The following GSX2 variants were observed in gnomAD, a reference collection of about 807,000 sequenced individuals.
GSX2 encodes genetic-screened homeobox 2.
In GSX2, 16 loss-of-function variants were observed where a neutral mutation model predicts 19.2. The ratio of observed to expected loss-of-function variants is 0.84; its 90% CI spans 0.57 to 1.27. GSX2 has a LOEUF of 1.27. GSX2 is among the 50% of genes most tolerant of loss of function. The probability of loss-of-function intolerance (pLI) is 0.00; values close to 1 mark genes in which losing one functional copy is unlikely to be tolerated. For missense variants in GSX2, 448 were observed against 428.4 expected (o/e 1.05, Z -0.40); for synonymous variants, 217 against 196.4 (o/e 1.10, Z -0.88).
chr4:54,101,281 G>C lies in GSX2; in HGVS notation c.575-301G>C, dbSNP rs1718169722. ...CGCGTCGGGGCGGCTAAAGCGTCTT[G>C]ACGTTTTTGGCTAAGCCTGCGCGCT... On this transcript the variant is annotated intron_variant, in intron 1 of 1. Coordinates refer to ENST00000326902, the MANE Select transcript of GSX2 (RefSeq NM_133267.3). This position sits in a 1 kb window ranked among gnomAD's most constrained non-coding sequence, Gnocchi z 5.0. Among the ~76,000 whole-genome samples, 1 of 152,198 alleles carries C rather than the reference G, an allele frequency of 6.6e-6. No individual in the cohort carries two copies. The highest frequency in any genetic ancestry group is 2.4e-5 in the African/African-American group (1 of 41,454).
Position 54,102,189 on chromosome 4 carries a change from G to A in GSX2, c.*267G>A, listed in dbSNP as rs1718188368. 1 of 436,764 alleles carries A rather than the reference G, an allele frequency of 2.3e-6. No homozygotes were observed. Among genetic ancestry groups the A allele is most frequent in the Non-Finnish European group, 4.1e-6 (1 of 245,984 alleles). 27.1% of individuals were successfully genotyped at this position (436,764 alleles called of 1,614,324 possible). On this transcript the variant is annotated 3_prime_UTR_variant, in exon 2 of 2. Coordinates refer to ENST00000326902, the MANE Select transcript of GSX2 (RefSeq NM_133267.3). ...CAACTCATTCTTGTCGTATAACAGA[G>A]GAAAAACAGGGTTGGTTTAAGTTTA...
At position 54,100,580 on chromosome 4, in the gene GSX2, G is replaced by T. The variant is rs1234135792; in HGVS notation, c.236G>T (p.Gly79Val). 1.3e-5 allele frequency: 21 copies of T among 1,577,616 alleles called. No individual in the cohort carries two copies. Among genetic ancestry groups the T allele is most frequent in the Non-Finnish European group, 1.8e-5 (21 of 1,163,628 alleles). ...LHSSRGSVGA[G>V]SGGAGAGVTG... ...TCCTCTCGGGGGTCTGTGGGCGCCG[G>T]CAGCGGGGGCGCAGGGGCCGGGGTT... Residue 79 changes from glycine to valine, a missense_variant, in exon 1 of 2, where the codon GGC becomes GTC. Gly to Val is a moderately radical substitution (Grantham distance 109). Coordinates refer to ENST00000326902, the MANE Select transcript of GSX2 (RefSeq NM_133267.3).
rs976336764 is a variant in GSX2 at position 54,100,540 on chromosome 4, A to G, written c.196A>G (p.Thr66Ala). 2.5e-6 allele frequency: 4 copies of G among 1,606,432 alleles called. No homozygotes were observed. In the African/African-American group the frequency reaches 4.1e-5, roughly 16 times the overall value. ...GTTCTGCGTGTGCCCTCTCTGCGTC[A>G]CTTCGCACCTGCACTCCTCTCGGGG... ...GAFCVCPLCV[T>A]SHLHSSRGSV... The change falls in exon 1 of 2, where the codon ACT (threonine) becomes GCT (alanine). Residue 66 changes from threonine (T) to alanine (A), a missense_variant. Coordinates refer to ENST00000326902, the MANE Select transcript of GSX2 (RefSeq NM_133267.3).
rs764984551 is a variant in GSX2, at chr4:54,101,595, C to T, written c.588C>T (p.Ala196=). Residue 196 remains alanine, a synonymous_variant, in exon 2 of 2, where the codon GCC becomes GCT. Transcript: ENST00000326902. This position sits in a 1 kb window ranked among gnomAD's most constrained non-coding sequence, Gnocchi z 5.0. The part of the protein sequence containing the change: ...FHCLTMGGSD[A]SQVPNGKRMR... ...GCCGGTCCGCAGGAGGCTCTGACGC[C>T]AGCCAGGTACCCAATGGCAAGAGGA... 1 of 1,611,990 alleles carries T rather than the reference C, an allele frequency of 6.2e-7. No homozygotes were observed. The highest frequency in any genetic ancestry group is 1.1e-5 in the South Asian group (1 of 90,830).
rs761343742 is a variant in GSX2, at chr4:54,101,978, C to A, written c.*56C>A. 1.2e-4 allele frequency: 162 copies of A among 1,401,716 alleles called. 1 individual carries two copies. The highest frequency in any genetic ancestry group is 2.2e-4 in the Middle Eastern group (1 of 4,562). 86.8% of individuals were successfully genotyped at this position (1,401,716 alleles called of 1,614,324 possible). ...CCTGGCAGACCAGGCAACGCCAAGG[C>A]GTGGGGCACCCAGGGGCCAGAATCC... On this transcript the variant is annotated 3_prime_UTR_variant, in exon 2 of 2. Transcript: ENST00000326902. This position sits in a 1 kb window ranked among gnomAD's most constrained non-coding sequence, Gnocchi z 5.0.
chr4:54,100,797 A>G lies in GSX2; in HGVS notation c.453A>G (p.Ala151=), dbSNP rs1387613084. ...PQQPGSAAAA[A]AAAAAAAAAA... is the part of the protein sequence containing the mutation. ...AGCCTGGCTCGGCCGCGGCGGCGGCAGCAGCAGCAGCGGCGGCGGCGGCCG... is the reference window on the plus strand; with the variant it reads ...AGCCTGGCTCGGCCGCGGCGGCGGCGGCAGCAGCAGCGGCGGCGGCGGCCG... The change falls in exon 1 of 2, where the codon GCA becomes GCG. Residue 151 remains alanine (A), a synonymous_variant. Coordinates refer to ENST00000326902, the MANE Select transcript of GSX2 (RefSeq NM_133267.3). The G allele has an allele frequency of 2.8e-6, 4 of 1,452,116 alleles. No individual in the cohort carries two copies. The highest frequency in any genetic ancestry group is 3.4e-5 in the Admixed American group (1 of 29,684). The allele number at this position is 1,452,116 out of a possible 1,614,324, so 90.0% of individuals were successfully genotyped here.
chr4:54,100,785 C>G lies in GSX2; in HGVS notation c.441C>G (p.Ala147=), dbSNP rs1031609503. 3.4e-6 allele frequency: 5 copies of G among 1,460,754 alleles called. No individual in the cohort carries two copies. The highest frequency in any genetic ancestry group is 4.5e-6 in the Non-Finnish European group (5 of 1,110,200). The allele number at this position is 1,460,754 out of a possible 1,614,324, so 90.5% of individuals were successfully genotyped here. A position where few individuals can be genotyped will look rare whatever the true frequency, so the allele number is the denominator to read the frequency against. Residue 147 remains alanine, a synonymous_variant, in exon 1 of 2, where the codon GCC becomes GCG. Transcript: ENST00000326902. ...HHHQPQQPGS[A]AAAAAAAAAA... ...ATCAGCCCCAGCAGCCTGGCTCGGCCGCGGCGGCGGCAGCAGCAGCAGCGG... is the reference window on the plus strand; with the variant it reads ...ATCAGCCCCAGCAGCCTGGCTCGGCGGCGGCGGCGGCAGCAGCAGCAGCGG...
At chr4:54,100,952 G>T (rs1249987412) in intron 1 of GSX2, 34 bp downstream of exon 1, 2 of 1,515,832 alleles carry the variant, frequency 1.3e-6, no homozygotes, top group South Asian at 2.4e-5. Flanking sequence ...TGCGCTCCGC[G>T]CCTTTCGCGC....
At position 54,100,237 on chromosome 4, in the gene GSX2, A is replaced by C; in HGVS notation, c.-108A>C. 2 of 1,504,206 alleles carry C rather than the reference A, an allele frequency of 1.3e-6. No individual in the cohort carries two copies. Among genetic ancestry groups the C allele is most frequent in the Non-Finnish European group, 1.8e-6 (2 of 1,122,006 alleles). The allele number at this position is 1,504,206 out of a possible 1,614,324, so 93.2% of individuals were successfully genotyped here. On this transcript the variant is annotated 5_prime_UTR_variant, in exon 1 of 2. Transcript: ENST00000326902. Reference sequence around the variant, plus strand: ...AGACGCCAACACCTCTGCGTCCCCAAGGGCTTGACTGCCCGTGTCTGCGCG... The same window carrying C: ...AGACGCCAACACCTCTGCGTCCCCACGGGCTTGACTGCCCGTGTCTGCGCG...
In GSX2 at chr4:54,101,463, A is replaced by T. The variant is rs76831243; in HGVS notation, c.575-119A>T. 26,611 of 649,140 alleles carry T rather than the reference A, an allele frequency of 0.041. 661 individuals are homozygous for T. The highest frequency in any genetic ancestry group is 0.054 in the Non-Finnish European group (19,784 of 365,032). The allele number at this position is 649,140 out of a possible 1,614,324, so 40.2% of individuals were successfully genotyped here. On this transcript the variant is annotated intron_variant, in intron 1 of 1. Coordinates refer to ENST00000326902, the MANE Select transcript of GSX2 (RefSeq NM_133267.3). This position sits in a 1 kb window ranked among gnomAD's most constrained non-coding sequence, Gnocchi z 5.0. ...CCACGTGCCTTGAAATGGGAAAGGGATACAGATGTTCGGCTGGGCTTCCCC... is the reference window on the plus strand; with the variant it reads ...CCACGTGCCTTGAAATGGGAAAGGGTTACAGATGTTCGGCTGGGCTTCCCC...
At position 54,100,170 on chromosome 4, in the gene GSX2, G is replaced by T. The variant is rs1442821675; in HGVS notation, c.-175G>T. On this transcript the variant is annotated 5_prime_UTR_variant, in exon 1 of 2. Coordinates refer to ENST00000326902, the MANE Select transcript of GSX2 (RefSeq NM_133267.3). ...CGAGCCGGGGCGCCGGGCGGGGGAC[G>T]TGAGGACCAGCCCTCTCCGGGGACC... 2.3e-6 allele frequency: 2 copies of T among 871,804 alleles called. No individual in the cohort carries two copies. The highest frequency in any genetic ancestry group is 1.7e-5 in the African/African-American group (1 of 58,494). 54.0% of individuals were successfully genotyped at this position (871,804 alleles called of 1,614,324 possible).
In GSX2 at chr4:54,101,914, C is replaced by G; in HGVS notation, c.907C>G (p.Pro303Ala). The change falls in exon 2 of 2, where the codon CCC becomes GCC. Residue 303 changes from proline (P) to alanine (A), a missense_variant. Pro to Ala is a conservative substitution (Grantham distance 27). Coordinates refer to ENST00000326902, the MANE Select transcript of GSX2 (RefSeq NM_133267.3). The surrounding 1 kb of genome is among the most constrained non-coding windows in gnomAD (Gnocchi z 5.0). ...AGCCAACGATGACAAGGAGATTTCC[C>G]CCTTATGAGGGAGGGCCTCCTCCCT... ...ASANDDKEIS[P>A]L The G allele has an allele frequency of 6.3e-7, 1 of 1,596,434 alleles. No individual in the cohort carries two copies. Among genetic ancestry groups the G allele is most frequent in the South Asian group, 1.1e-5 (1 of 88,642 alleles).
chr4:54,100,824 G>A lies in GSX2; in HGVS notation c.480G>A (p.Ala160=). The A allele has an allele frequency of 4.8e-6, 7 of 1,453,352 alleles. No homozygotes were observed. The highest frequency in any genetic ancestry group is 6.3e-6 in the Non-Finnish European group (7 of 1,113,396). The allele number at this position is 1,453,352 out of a possible 1,614,324, so 90.0% of individuals were successfully genotyped here. A position where few individuals can be genotyped will look rare whatever the true frequency, so the allele number is the denominator to read the frequency against. Reference sequence around the variant, plus strand: ...CAGCAGCAGCGGCGGCGGCGGCCGCGGCGGCCTTGGGGCACCCGCAGCACC... The same window carrying A: ...CAGCAGCAGCGGCGGCGGCGGCCGCAGCGGCCTTGGGGCACCCGCAGCACC... ...AAAAAAAAAA[A]AALGHPQHHA... The change falls in exon 1 of 2, where the codon GCG becomes GCA. Residue 160 remains alanine (A), a synonymous_variant. Coordinates refer to ENST00000326902, the MANE Select transcript of GSX2 (RefSeq NM_133267.3).
rs771516031 is a variant in GSX2 at position 54,100,851 on chromosome 4, C to T, written c.507C>T (p.His169=). ...AAAALGHPQH[H]APVCTATTYN... The stretch of plus-strand genomic sequence containing the variant: ...CGGCCTTGGGGCACCCGCAGCACCA[C>T]GCACCTGTCTGCACCGCCACCACCT... Residue 169 remains histidine (H), a synonymous_variant, in exon 1 of 2, where the codon CAC becomes CAT. Transcript: ENST00000326902. 2 of 1,552,510 alleles carry T rather than the reference C, an allele frequency of 1.3e-6. No homozygotes were observed. Among genetic ancestry groups the T allele is most frequent in the Middle Eastern group, 1.7e-4 (1 of 5,944 alleles).
In GSX2 at chr4:54,100,424, C is replaced by G; in HGVS notation, c.80C>G (p.Pro27Arg). Residue 27 changes from proline (P) to arginine (R), a missense_variant, in exon 1 of 2, where the codon CCC becomes CGC. Pro to Arg is a moderately radical substitution (Grantham distance 103). Transcript: ENST00000326902. ...RPAPSLPEPH[P>R]GPDFFIPLGM... ...GCGCCCTCGCTGCCTGAACCGCACC[C>G]CGGGCCGGATTTCTTCATCCCGCTT... 6.2e-7 allele frequency: 1 copy of G among 1,614,076 alleles called. No individual in the cohort carries two copies. The highest frequency in any genetic ancestry group is 1.1e-5 in the South Asian group (1 of 91,090).
chr4:54,100,262 G>A lies in GSX2; in HGVS notation c.-83G>A. On this transcript the variant is annotated 5_prime_UTR_variant, in exon 1 of 2. Coordinates refer to ENST00000326902, the MANE Select transcript of GSX2 (RefSeq NM_133267.3). ...AGGGCTTGACTGCCCGTGTCTGCGCGGCTCCCAGGGCAGAGCTTAGAACAC... is the reference window on the plus strand; with the variant it reads ...AGGGCTTGACTGCCCGTGTCTGCGCAGCTCCCAGGGCAGAGCTTAGAACAC... 2 of 1,561,908 alleles carry A rather than the reference G, an allele frequency of 1.3e-6. No homozygotes were observed. The highest frequency in any genetic ancestry group is 1.2e-5 in the South Asian group (1 of 86,102).
In GSX2 at chr4:54,101,457, AAAGGG is replaced by A; in HGVS notation, c.575-123_575-119del. On this transcript the variant is annotated intron_variant, in intron 1 of 1. Transcript: ENST00000326902. The surrounding 1 kb of genome is among the most constrained non-coding windows in gnomAD (Gnocchi z 5.0). ...AAGCAACCACGTGCCTTGAAATGGGAAAGGGATACAGATGTTCGGCTGGGCTTCCC... is the reference window on the plus strand; with the variant it reads ...AAGCAACCACGTGCCTTGAAATGGGAATACAGATGTTCGGCTGGGCTTCCC... The A allele has an allele frequency of 1.6e-6, 1 of 633,406 alleles. No homozygotes were observed. The highest frequency in any genetic ancestry group is 2.0e-5 in the South Asian group (1 of 51,142). 39.2% of individuals were successfully genotyped at this position (633,406 alleles called of 1,614,324 possible). A position where few individuals can be genotyped will look rare whatever the true frequency, so the allele number is the denominator to read the frequency against.
Position 54,100,899 on chromosome 4 carries a change from A to G in GSX2, c.555A>G (p.Arg185=), listed in dbSNP as rs1718162018. 1 of 1,570,096 alleles carries G rather than the reference A, an allele frequency of 6.4e-7. No individual in the cohort carries two copies. The highest frequency in any genetic ancestry group is 2.4e-5 in the East Asian group (1 of 42,420). ...ATTYNVADPR[R]FHCLTMGGSD... is the part of the protein sequence containing the mutation. ...CCTACAACGTGGCGGACCCGCGGAGATTCCACTGCCTCACCATGGGTAGGG... is the reference window on the plus strand; with the variant it reads ...CCTACAACGTGGCGGACCCGCGGAGGTTCCACTGCCTCACCATGGGTAGGG... Residue 185 remains arginine (R), a synonymous_variant, in exon 1 of 2, where the codon AGA becomes AGG. Coordinates refer to ENST00000326902, the MANE Select transcript of GSX2 (RefSeq NM_133267.3).
Position 54,102,035 on chromosome 4 carries a change from A to G in GSX2, c.*113A>G, listed in dbSNP as rs2110112299. The G allele has an allele frequency of 1.1e-6, 1 of 922,102 alleles. No individual in the cohort carries two copies. Among genetic ancestry groups the G allele is most frequent in the Non-Finnish European group, 1.6e-6 (1 of 621,252 alleles). The allele number at this position is 922,102 out of a possible 1,614,324, so 57.1% of individuals were successfully genotyped here. ...ATTGCAGTGGTCCCATCTGGAGAAG[A>G]AACGAACCTGGAAGTTCTGGAATGG... On this transcript the variant is annotated 3_prime_UTR_variant, in exon 2 of 2. Coordinates refer to ENST00000326902, the MANE Select transcript of GSX2 (RefSeq NM_133267.3).
Sources: gnomAD v4.1 joint callset for allele counts (sites outside exome capture counted in the v4.1 genomes callset) on GRCh38, gnomAD v4.1.1 for gene constraint, Gnocchi (gnomAD v3.1) non-coding constraint, MANE v1.5 for transcripts, NCBI Gene and HGNC (gene_info 2026-07-23, HGNC 2026-07-21) for gene names.